MPDZ: variants seen among roughly 807,000 people sequenced by gnomAD.
The protein encoded by MPDZ is multiple PDZ domain protein.
A neutral mutation model predicts 239.1 loss-of-function variants in MPDZ; 234 were observed. That is an observed-to-expected ratio of 0.98 (90% CI 0.88 to 1.09). MPDZ has a LOEUF of 1.09. Ranked by LOEUF, MPDZ falls within the 50% of genes least tolerant of loss-of-function variation. The probability of loss-of-function intolerance (pLI) is 0.00; values close to 1 mark genes in which losing one functional copy is unlikely to be tolerated. For synonymous variants in MPDZ, 1,048 were observed against 881.3 expected, an observed-to-expected ratio of 1.19 and a Z score of -3.35; for missense variants, 3,175 against 2,510.0, an observed-to-expected ratio of 1.26 and a Z score of -5.66.
chr9:13,119,354 G>T (rs1006160438), intron 39 of MPDZ, 148 bp downstream of exon 39: 4 of 936,532 alleles, frequency 4.3e-6, no homozygotes, highest in Admixed American at 6.5e-5. Context: ...CAAAATGCTG[G>T]GATTATAGGC....
At chr9:13,171,984 TG>T in intron 21 of MPDZ, among the ~76,000 whole-genome samples, 1 of 152,332 alleles carries the variant, frequency 6.6e-6, no homozygotes, top group South Asian at 2.1e-4. Flanking sequence ...TCACACTTTT[TG>T]TTACTTTAAG....
chr9:13,213,857 A>G (rs937981475), intron 10 of MPDZ, among the ~76,000 whole-genome samples: 1 of 152,076 alleles, frequency 6.6e-6, no homozygotes, highest in African/African-American at 2.4e-5. Flanking sequence ...TCTTTCAATG[A>G]TAGCCCTCAA....
rs777336941 is a variant in MPDZ, at chr9:13,250,211, C to A, written c.16+89G>T. The stretch of plus-strand genomic sequence containing the variant: ...TAAATCTAGATACCATAGACAGAAT[C>A]CTGCTATGTTAAACACAACATATGT... On this transcript the variant is annotated intron_variant, in intron 2 of 46. Coordinates refer to ENST00000319217, the MANE Select transcript of MPDZ (RefSeq NM_001378778.1). 3.2e-6 allele frequency: 4 copies of A among 1,240,942 alleles called. No individual in the cohort carries two copies. The African/African-American group carries it at 4.5e-5, about 14-fold the overall frequency. The allele number at this position is 1,240,942 out of a possible 1,614,324, so 76.9% of individuals were successfully genotyped here.
intron 25 of MPDZ, among the ~76,000 whole-genome samples, 165 bp from the exon 26 acceptor site, chr9:13,147,823 A>T (rs1286883162): frequency 3.9e-5 from 6 of 152,104 alleles, no homozygotes; most frequent in Admixed American, 3.9e-4. Context: ...CTGTCTGTCC[A>T]GCAGACTTGT....
intron 1 of MPDZ, among the ~76,000 whole-genome samples, chr9:13,261,953 G>GC (rs1334221435): frequency 6.6e-6 from 1 of 151,684 alleles, no homozygotes; most frequent in Non-Finnish European, 1.5e-5. Context: ...GCTAAGGTGA[G>GC]AAGATTATCT....
chr9:13,265,593 C>T (rs765219192), intron 1 of MPDZ, among the ~76,000 whole-genome samples: 16 of 152,128 alleles, frequency 1.1e-4, no homozygotes, highest in Admixed American at 2.6e-4. Context: ...GAAAAGAAAG[C>T]ATTTGGTACT....
intron 1 of MPDZ, among the ~76,000 whole-genome samples, chr9:13,261,159 A>G (rs1459317687): frequency 2.6e-5 from 4 of 152,212 alleles, no homozygotes; most frequent in Non-Finnish European, 5.9e-5. Context: ...AGGGATGAAG[A>G]AGCTAAAATG....
At chr9:13,234,124 G>A (rs973502764) in intron 3 of MPDZ, among the ~76,000 whole-genome samples, 6 of 151,858 alleles carry the variant, frequency 4.0e-5, no homozygotes, top group Non-Finnish European at 5.9e-5. Flanking sequence ...ACACTATTTT[G>A]ATATATGCTG....
intron 8 of MPDZ, among the ~76,000 whole-genome samples, chr9:13,218,698 C>G (rs1204464803): frequency 6.6e-6 from 1 of 151,808 alleles, no homozygotes; most frequent in Non-Finnish European, 1.5e-5. Flanking sequence ...TTTAATAGAA[C>G]AAAACATAGA....
intron 8 of MPDZ, 109 bp from the exon 9 acceptor site, chr9:13,217,403 C>G (rs1221525636): frequency 1.5e-5 from 10 of 671,152 alleles, no homozygotes; most frequent in Non-Finnish European, 2.5e-5. Flanking sequence ...CACAGGCCTA[C>G]TTTAATTCTC....
chr9:13,251,978 C>T lies in MPDZ; in HGVS notation c.-57-1606G>A, dbSNP rs557903558. Among the ~76,000 whole-genome samples the T allele has an allele frequency of 3.3e-5, 5 of 152,260 alleles. No homozygotes were observed. The East Asian group carries it at 9.7e-4, about 29-fold the overall frequency. On this transcript the variant is annotated intron_variant, in intron 1 of 46. Transcript: ENST00000319217. ...CAACCTCAGTTTCTTTTAAAACACA[C>T]TTACTCATTGGGTATATTTTGAAAA...
chr9:13,136,333 T>C (rs577142381), intron 30 of MPDZ, among the ~76,000 whole-genome samples, 151 bp from the exon 31 acceptor site: 4 of 130,108 alleles, frequency 3.1e-5, no homozygotes, highest in South Asian at 5.6e-4. Flanking sequence ...TTCTTTTTTT[T>C]TTTTTTTTTT....
chr9:13,262,890 A>G (rs1176987690), intron 1 of MPDZ, among the ~76,000 whole-genome samples: 1 of 152,136 alleles, frequency 6.6e-6, no homozygotes, highest in Non-Finnish European at 1.5e-5. Flanking sequence ...ACATAAAAAT[A>G]TGTATATACA....
chr9:13,133,377 T>A (rs150638539), intron 32 of MPDZ, among the ~76,000 whole-genome samples: 2 of 152,212 alleles, frequency 1.3e-5, no homozygotes, highest in African/African-American at 4.8e-5. Context: ...GATTGCCTTT[T>A]TAAGGCAATC....
chr9:13,214,787 T>A (rs148114929), intron 10 of MPDZ, among the ~76,000 whole-genome samples: 2 of 152,120 alleles, frequency 1.3e-5, no homozygotes, highest in Admixed American at 1.3e-4. Context: ...AAAATGGAGA[T>A]ACACAGAGAA....
intron 16 of MPDZ, 112 bp from the exon 17 acceptor site, chr9:13,189,105 T>C: frequency 1.2e-6 from 1 of 854,596 alleles, no homozygotes. Flanking sequence ...CCTTTAAAAA[T>C]TTTCATGCCA....
At chr9:13,195,595 C>G (rs956928322) in intron 13 of MPDZ, among the ~76,000 whole-genome samples, 1 of 151,894 alleles carries the variant, frequency 6.6e-6, no homozygotes, top group Non-Finnish European at 1.5e-5. Flanking sequence ...ATCACAATGG[C>G]TATGCTAGAT....
At chr9:13,132,408 G>A (rs1357022127) in intron 32 of MPDZ, among the ~76,000 whole-genome samples, 1 of 152,162 alleles carries the variant, frequency 6.6e-6, no homozygotes, top group Non-Finnish European at 1.5e-5. Context: ...TAAATGCCCA[G>A]CCAAAGAACT....
At chr9:13,146,533 T>A (rs1056405398) in intron 26 of MPDZ, among the ~76,000 whole-genome samples, 1 of 152,072 alleles carries the variant, frequency 6.6e-6, no homozygotes, top group African/African-American at 2.4e-5. Context: ...TGTTGATATT[T>A]TTGTTTTAAA....
Sources: allele counts gnomAD v4.1 joint callset (sites outside exome capture counted in the v4.1 genomes callset), GRCh38; gene constraint gnomAD v4.1.1; transcripts MANE v1.5; gene names NCBI Gene and HGNC (gene_info 2026-07-23, HGNC 2026-07-21).